Variants in NEURL1 observed in about 807,000 individuals in gnomAD.
The protein encoded by NEURL1 is E3 ubiquitin-protein ligase NEURL1.
Under a neutral mutation model 41.2 loss-of-function variants are expected in NEURL1, and 26 were observed. The ratio of observed to expected loss-of-function variants is 0.63; its 90% confidence interval spans 0.46 to 0.87. The LOEUF (loss-of-function observed/expected upper bound fraction) is 0.87. NEURL1 is among the 40% of genes least tolerant of loss of function. NEURL1 has a pLI of 0.00. For synonymous variants in NEURL1, 400 were observed against 402.3 expected, an observed-to-expected ratio of 0.99 and a Z score of 0.07; for missense variants, 761 against 871.1, an observed-to-expected ratio of 0.87 and a Z score of 1.59.
At chr10:103,557,257 G>A (rs922743452) in intron 1 of NEURL1, among the ~76,000 whole-genome samples, 6 of 151,966 alleles carry the variant, frequency 3.9e-5, no homozygotes, top group South Asian at 2.1e-4. Flanking sequence ...GTGAGACCTC[G>A]TCTCAAGAAA....
At chr10:103,580,897 T>G (rs1184303288) in intron 3 of NEURL1, among the ~76,000 whole-genome samples, 1 of 152,206 alleles carries the variant, frequency 6.6e-6, no homozygotes, top group Non-Finnish European at 1.5e-5. Flanking sequence ...TTCTTTATCC[T>G]CTCACCTCTA....
chr10:103,590,742 A>G lies in NEURL1; in HGVS notation c.*370A>G, dbSNP rs558128067. The G allele has an allele frequency of 1.1e-5, 3 of 282,194 alleles. No individual in the cohort carries two copies. Among genetic ancestry groups the G allele is most frequent in the South Asian group, 4.5e-5 (1 of 22,234 alleles). 17.5% of individuals were successfully genotyped at this position (282,194 alleles called of 1,614,324 possible). A position where few individuals can be genotyped will look rare whatever the true frequency, so the allele number is the denominator to read the frequency against. ...TAGTCCATGTGGCACCTTTGTGAGA[A>G]TTAGAAAACATGTACCTTCCTCTGG... On this transcript the variant is annotated 3_prime_UTR_variant, in exon 6 of 6. Coordinates refer to ENST00000369780, the MANE Select transcript of NEURL1 (RefSeq NM_004210.5).
At chr10:103,505,497 T>C (rs1296900587) in intron 1 of NEURL1, among the ~76,000 whole-genome samples, 3 of 152,194 alleles carry the variant, frequency 2.0e-5, no homozygotes, top group Middle Eastern at 3.2e-3. Flanking sequence ...AATGTTGGTA[T>C]TACAGGCTTC....
intron 1 of NEURL1, among the ~76,000 whole-genome samples, chr10:103,507,996 C>T (rs2133847802): frequency 6.6e-6 from 1 of 152,288 alleles, no homozygotes; most frequent in South Asian, 2.1e-4. Context: ...AGCCCCAGAC[C>T]CCCACCCTGG....
chr10:103,555,900 G>A (rs183220994), intron 1 of NEURL1, among the ~76,000 whole-genome samples: 19 of 152,290 alleles, frequency 1.2e-4, no homozygotes, highest in African/African-American at 7.2e-5. Context: ...CTGGAGCCCC[G>A]CAAAGACATG....
At chr10:103,580,467 G>A (rs535772326) in intron 3 of NEURL1, among the ~76,000 whole-genome samples, 11 of 152,310 alleles carry the variant, frequency 7.2e-5, no homozygotes, top group African/African-American at 2.2e-4. Context: ...GTCTTGGGCC[G>A]AGGTTGGTCC....
chr10:103,575,284 G>A (rs1394170956), intron 3 of NEURL1, among the ~76,000 whole-genome samples: 1 of 151,684 alleles, frequency 6.6e-6, no homozygotes, highest in Admixed American at 6.6e-5. Flanking sequence ...TGGTCTTGGT[G>A]TCCTTCTCCC....
rs773466789 is a variant in NEURL1, at chr10:103,585,197, C to G, written c.1311C>G (p.His437Gln). 1.3e-6 allele frequency: 2 copies of G among 1,568,308 alleles called. No individual in the cohort carries two copies. Among genetic ancestry groups the G allele is most frequent in the Admixed American group, 1.7e-5 (1 of 57,542 alleles). ...CGCTTTGGATGCTCTTCGGCCTGCA[C>G]GGGACCATCACGCAGATCCGCATCC... is the stretch of plus-strand genomic sequence containing the variant. ...SQPLWMLFGL[H>Q]GTITQIRILG... The change falls in exon 4 of 6, where the codon CAC becomes CAG. Residue 437 changes from histidine to glutamine, a missense_variant. By Grantham distance (24) the His-to-Gln change is conservative. Around this residue, in one of 5 missense-constraint regions of NEURL1, gnomAD observed 443 missense variants for 408.1 expected, o/e 1.09. Coordinates refer to ENST00000369780, the MANE Select transcript of NEURL1 (RefSeq NM_004210.5).
intron 1 of NEURL1, among the ~76,000 whole-genome samples, chr10:103,562,238 C>T (rs1162228391): frequency 1.3e-5 from 2 of 152,152 alleles, no homozygotes; most frequent in Non-Finnish European, 2.9e-5. Flanking sequence ...CAAAAATTAG[C>T]CAGGCGTGGT....
chr10:103,530,654 C>A (rs910190621), intron 1 of NEURL1, among the ~76,000 whole-genome samples: 4 of 151,920 alleles, frequency 2.6e-5, no homozygotes, highest in Non-Finnish European at 5.9e-5. Context: ...AATTCTCCTG[C>A]TTCAGCCTCC....
chr10:103,525,187 G>A (rs1429013609), intron 1 of NEURL1, among the ~76,000 whole-genome samples: 9 of 150,910 alleles, frequency 6.0e-5, no homozygotes, highest in Non-Finnish European at 1.3e-4. Context: ...TTTTTTTGTA[G>A]TTATTGTAAA....
chr10:103,533,742 T>C (rs1024413048), intron 1 of NEURL1, among the ~76,000 whole-genome samples: 26 of 152,308 alleles, frequency 1.7e-4, no homozygotes, highest in Admixed American at 5.2e-4. Flanking sequence ...TTCACCGTGT[T>C]AGCCAGGATG....
Position 103,494,329 on chromosome 10 carries a change from C to G in NEURL1, c.-59C>G. On this transcript the variant is annotated 5_prime_UTR_variant, in exon 1 of 6. Coordinates refer to ENST00000369780, the MANE Select transcript of NEURL1 (RefSeq NM_004210.5). Reference sequence around the variant, plus strand: ...GCGCGCACACTCGCACACCGCACCTCAGCGCCTGCCCGGCCTCGCCCCCAC... The same window carrying G: ...GCGCGCACACTCGCACACCGCACCTGAGCGCCTGCCCGGCCTCGCCCCCAC... The G allele has an allele frequency of 6.9e-7, 1 of 1,449,362 alleles. No homozygotes were observed. The highest frequency in any genetic ancestry group is 2.0e-5 in the Admixed American group (1 of 50,212). The allele number at this position is 1,449,362 out of a possible 1,614,324, so 89.8% of individuals were successfully genotyped here.
At chr10:103,517,890 C>T (rs980948434) in intron 1 of NEURL1, among the ~76,000 whole-genome samples, 1 of 152,250 alleles carries the variant, frequency 6.6e-6, no homozygotes, top group Admixed American at 6.5e-5. Context: ...CACCATCTCC[C>T]TGGCTCTGCT....
At chr10:103,515,707 C>CTAG (rs1473932263) in intron 1 of NEURL1, among the ~76,000 whole-genome samples, 18 of 152,288 alleles carry the variant, frequency 1.2e-4, no homozygotes, top group Non-Finnish European at 2.4e-4. Flanking sequence ...GACGAATGAA[C>CTAG]TAGTGTCCAC....
intron 4 of NEURL1, among the ~76,000 whole-genome samples, 198 bp downstream of exon 4, chr10:103,585,423 G>A (rs1055241815): frequency 1.3e-5 from 2 of 152,154 alleles, no homozygotes; most frequent in South Asian, 4.1e-4. Flanking sequence ...AGACTCACCT[G>A]GGGGGTGAGG....
chr10:103,575,706 C>G (rs998250096), intron 3 of NEURL1, among the ~76,000 whole-genome samples: 2 of 152,254 alleles, frequency 1.3e-5, no homozygotes, highest in Admixed American at 6.5e-5. Context: ...ACAGCCCCAG[C>G]AGGCCCTCCT....
chr10:103,570,818 G>A, intron 1 of NEURL1, 54 bp from the exon 2 acceptor site: 1 of 1,577,092 alleles, frequency 6.3e-7, no homozygotes, highest in Non-Finnish European at 8.6e-7. Flanking sequence ...GGGGACTCTG[G>A]TCTGGCTCTT....
In NEURL1 at chr10:103,556,367, C is replaced by T. The variant is rs1470841140; in HGVS notation, c.86-14505C>T. Among the ~76,000 whole-genome samples the T allele has an allele frequency of 1.3e-5, 2 of 152,136 alleles. No homozygotes were observed. Among genetic ancestry groups the T allele is most frequent in the African/African-American group, 4.8e-5 (2 of 41,424 alleles). On this transcript the variant is annotated intron_variant, in intron 1 of 5. Transcript: ENST00000369780. The surrounding 1 kb of genome is among the most constrained non-coding windows in gnomAD (Gnocchi z 4.4). ...TACAAACCAGCCAGAACAGAATAGG[C>T]TGACCTTGGGGAGTCCCTGACGCAC...
Sources: gnomAD v4.1 joint callset for allele counts (sites outside exome capture counted in the v4.1 genomes callset) on GRCh38, gnomAD v4.1.1 for gene constraint, gnomAD v4.1.1 regional missense constraint, Gnocchi (gnomAD v3.1) non-coding constraint, MANE v1.5 for transcripts, NCBI Gene and HGNC (gene_info 2026-07-23, HGNC 2026-07-21) for gene names.